Variants in KIF18A observed in about 807,000 individuals in gnomAD.
KIF18A encodes kinesin-like protein KIF18A.
Under a neutral mutation model 103.3 loss-of-function variants are expected in KIF18A, and 67 were observed. The observed-to-expected ratio is 0.65, with a 90% CI of 0.53 to 0.79. The LOEUF (loss-of-function observed/expected upper bound fraction) is 0.79, where lower values mean the gene tolerates loss of function less well. KIF18A is among the 30% of genes least tolerant of loss of function. The pLI is 0.00. For missense variants in KIF18A, 1,032 were observed against 1,062.5 expected (o/e 0.97, Z 0.40); for synonymous variants, 367 against 355.5 (o/e 1.03, Z -0.36).
chr11:28,033,766 T>C (rs138741294), intron 15 of KIF18A, among the ~76,000 whole-genome samples: 54 of 151,570 alleles, frequency 3.6e-4, no homozygotes, highest in African/African-American at 1.2e-3. Context: ...TTAATCTAAA[T>C]ATAACGAATA....
chr11:28,047,436 C>G (rs112331038), intron 13 of KIF18A, among the ~76,000 whole-genome samples: 2 of 152,042 alleles, frequency 1.3e-5, no homozygotes, highest in African/African-American at 4.8e-5. Flanking sequence ...TTCACTGAAT[C>G]TCTACTTTAA....
chr11:28,065,888 A>G (rs190672907), intron 11 of KIF18A, among the ~76,000 whole-genome samples: 26 of 152,194 alleles, frequency 1.7e-4, no homozygotes, highest in African/African-American at 5.5e-4. Context: ...ATACACAAAC[A>G]TATTTAAAAT....
At chr11:28,056,029 G>A (rs1393395990) in intron 13 of KIF18A, among the ~76,000 whole-genome samples, 3 of 151,890 alleles carry the variant, frequency 2.0e-5, no homozygotes, top group African/African-American at 7.3e-5. Flanking sequence ...CCTCCCATAT[G>A]CTTTAATAAT....
At chr11:28,088,459 A>T in intron 6 of KIF18A, 65 bp downstream of exon 6, 1 of 1,329,322 alleles carries the variant, frequency 7.5e-7, no homozygotes, top group Non-Finnish European at 1.1e-6. Flanking sequence ...AATCATATTA[A>T]ATAGTATCTT....
At chr11:28,104,548 A>G (rs1399212938) in intron 1 of KIF18A, among the ~76,000 whole-genome samples, 1 of 152,160 alleles carries the variant, frequency 6.6e-6, no homozygotes, top group East Asian at 1.9e-4. Context: ...GGCTTTCCCT[A>G]AAGAATCTAT....
chr11:28,090,301 T>G (rs974136435), intron 5 of KIF18A, among the ~76,000 whole-genome samples: 17 of 152,212 alleles, frequency 1.1e-4, no homozygotes, highest in African/African-American at 4.1e-4. Flanking sequence ...AAGTCTAGAT[T>G]TATAGAGATA....
At chr11:28,036,953 A>C (rs1850501172) in intron 13 of KIF18A, among the ~76,000 whole-genome samples, 1 of 151,630 alleles carries the variant, frequency 6.6e-6, no homozygotes, top group Admixed American at 6.6e-5. Context: ...GAAACAAATT[A>C]TCAATCAATT....
intron 5 of KIF18A, 49 bp from the exon 6 acceptor site, chr11:28,088,770 A>T: frequency 7.1e-7 from 1 of 1,413,978 alleles, no homozygotes; most frequent in Non-Finnish European, 9.8e-7. Flanking sequence ...ATTTAACAAA[A>T]TTAAAAGGGA....
intron 16 of KIF18A, among the ~76,000 whole-genome samples, chr11:28,022,989 T>C (rs999700119): frequency 1.3e-5 from 2 of 152,216 alleles, no homozygotes; most frequent in Non-Finnish European, 2.9e-5. Context: ...TCAGTTCCTA[T>C]AGAGAACAAT....
At chr11:28,095,738 G>A (rs757778509) in intron 2 of KIF18A, among the ~76,000 whole-genome samples, 1 of 152,062 alleles carries the variant, frequency 6.6e-6, no homozygotes, top group Admixed American at 6.6e-5. Flanking sequence ...GGCCAGGCTC[G>A]GTGGCTCATC....
chr11:28,092,949 G>A (rs1433356142), intron 3 of KIF18A, among the ~76,000 whole-genome samples: 1 of 152,174 alleles, frequency 6.6e-6, no homozygotes, highest in Non-Finnish European at 1.5e-5. Flanking sequence ...GCTGGTCTAT[G>A]TATGACACTC....
chr11:28,052,198 G>A (rs749944176), intron 13 of KIF18A, among the ~76,000 whole-genome samples: 3 of 152,042 alleles, frequency 2.0e-5, no homozygotes, highest in Non-Finnish European at 4.4e-5. Context: ...CCTTGCCATA[G>A]TATAATCTAT....
intron 3 of KIF18A, among the ~76,000 whole-genome samples, chr11:28,092,611 TTTA>T (rs1851321133): frequency 6.6e-6 from 1 of 152,182 alleles, no homozygotes; most frequent in South Asian, 2.1e-4. Flanking sequence ...AGGTATAAAG[TTTA>T]TTACTTGCTA....
In KIF18A at chr11:28,108,082, C is replaced by T. The variant is rs1489394074; in HGVS notation, c.-65G>A. On this transcript the variant is annotated 5_prime_UTR_variant, in exon 1 of 17. Transcript: ENST00000263181. ...GTTTTACCTTCATGTGCCTCTCACT[C>T]ACTTCAGGCCCAGGCCAGGTTACCG... 2 of 152,456 alleles carry T rather than the reference C, an allele frequency of 1.3e-5. No individual in the cohort carries two copies. The highest frequency in any genetic ancestry group is 6.5e-5 in the Admixed American group (1 of 15,288). 9.4% of individuals were successfully genotyped at this position (152,456 alleles called of 1,614,324 possible). A position where few individuals can be genotyped will look rare whatever the true frequency, so the allele number is the denominator to read the frequency against.
chr11:28,074,620 C>T (rs545045490), intron 10 of KIF18A, among the ~76,000 whole-genome samples: 73 of 152,112 alleles, frequency 4.8e-4, no homozygotes, highest in African/African-American at 1.5e-3. Flanking sequence ...GATTAATTTC[C>T]GGTACAGCGT....
chr11:28,097,652 C>A lies in KIF18A; in HGVS notation c.296G>T (p.Arg99Leu). 1 of 1,609,632 alleles carries A rather than the reference C, an allele frequency of 6.2e-7. No homozygotes were observed. The highest frequency in any genetic ancestry group is 8.5e-7 in the Non-Finnish European group (1 of 1,176,464). ...VFEHTTKPIL[R>L]SFLNGYNCTV... ...GCAATTATATCCATTCAAAAAACTA[C>A]GAAGAATTGGCTTAGTAGTGTGTTC... Residue 99 changes from arginine to leucine, a missense_variant, in exon 2 of 17, where the codon CGT (arginine) becomes CTT (leucine). Transcript: ENST00000263181.
chr11:28,037,967 A>G (rs1027089691), intron 13 of KIF18A, among the ~76,000 whole-genome samples: 3 of 151,216 alleles, frequency 2.0e-5, no homozygotes, highest in Non-Finnish European at 4.4e-5. Flanking sequence ...TCCTCTTACC[A>G]TTACCTTCTC....
intron 15 of KIF18A, among the ~76,000 whole-genome samples, chr11:28,026,083 T>G (rs1035827993): frequency 2.0e-5 from 3 of 151,872 alleles, no homozygotes; most frequent in Non-Finnish European, 4.4e-5. Flanking sequence ...GCTAACATTA[T>G]GTATGCATTA....
chr11:28,036,201 T>C lies in KIF18A; in HGVS notation c.2396+16A>G, dbSNP rs949777833. On this transcript the variant is annotated intron_variant, in intron 14 of 16. Coordinates refer to ENST00000263181, the MANE Select transcript of KIF18A (RefSeq NM_031217.4). The stretch of plus-strand genomic sequence containing the variant: ...ATGTTAAAAAAAAAGAATTGGCAAA[T>C]ATTATTTTTTTGTACCGTTGTAAAA... 8.7e-6 allele frequency: 13 copies of C among 1,496,262 alleles called. No individual in the cohort carries two copies. The highest frequency in any genetic ancestry group is 1.2e-5 in the Non-Finnish European group (13 of 1,108,830). 92.7% of individuals were successfully genotyped at this position (1,496,262 alleles called of 1,614,324 possible). A position where few individuals can be genotyped will look rare whatever the true frequency, so the allele number is the denominator to read the frequency against.
Sources: allele counts gnomAD v4.1 joint callset (sites outside exome capture counted in the v4.1 genomes callset), GRCh38; gene constraint gnomAD v4.1.1; transcripts MANE v1.5; gene names NCBI Gene and HGNC (gene_info 2026-07-23, HGNC 2026-07-21).